The following EBNA1BP2 variants were observed in gnomAD, a reference collection of about 807,000 sequenced individuals.
EBNA1BP2 encodes the protein probable rRNA-processing protein EBP2.
A neutral mutation model predicts 43.5 loss-of-function variants in EBNA1BP2; 36 were observed. The observed-to-expected ratio is 0.83, with a 90% confidence interval of 0.63 to 1.09. EBNA1BP2 has a LOEUF of 1.09. Ranked by LOEUF, EBNA1BP2 falls within the 50% of genes least tolerant of loss-of-function variation. The probability of loss-of-function intolerance (pLI) is 0.00; values close to 1 mark genes in which losing one functional copy is unlikely to be tolerated. For missense variants in EBNA1BP2, 332 were observed against 379.1 expected, an observed-to-expected ratio of 0.88 and a Z score of 1.03; for synonymous variants, 127 against 141.3, an observed-to-expected ratio of 0.90 and a Z score of 0.72.
In EBNA1BP2 at chr1:43,171,493, C is replaced by A; in HGVS notation, c.309G>T (p.Gln103His). ...QKAVDPEDDF[Q>H]REMSFYRQAQ... ...AACAAACATACAAACTCATCTCTCG[C>A]TGGAAGTCGTCTTCTGGATCAACAG... Residue 103 changes from glutamine to histidine, a missense_variant, in exon 3 of 9, where the codon CAG becomes CAT. Around this residue, in one of 3 missense-constraint regions of EBNA1BP2, gnomAD observed 182 missense variants for 173.7 expected, o/e 1.05. Transcript: ENST00000236051. The A allele has an allele frequency of 6.2e-7, 1 of 1,609,748 alleles. No individual in the cohort carries two copies. Among genetic ancestry groups the A allele is most frequent in the Non-Finnish European group, 8.5e-7 (1 of 1,178,356 alleles).
chr1:43,169,001 C>A lies in EBNA1BP2; in HGVS notation c.475G>T (p.Ala159Ser). The change falls in exon 5 of 9, where the codon GCT becomes TCT. Residue 159 changes from alanine (A) to serine (S), a missense_variant. Around this residue, in one of 3 missense-constraint regions of EBNA1BP2, gnomAD observed 91 missense variants for 152.1 expected, o/e 0.60. Transcript: ENST00000236051. The part of the protein sequence containing the change: ...KIRQKLQTKQ[A>S]AMERSEKAKQ... Reference sequence around the variant, plus strand: ...GCTTTTTCAGACCTCTCCATGGCAGCCTGTTTAGTCTGCAGCTTCTGTCGA... The same window carrying A: ...GCTTTTTCAGACCTCTCCATGGCAGACTGTTTAGTCTGCAGCTTCTGTCGA... 1 of 1,614,102 alleles carries A rather than the reference C, an allele frequency of 6.2e-7. No individual in the cohort carries two copies. The highest frequency in any genetic ancestry group is 1.1e-5 in the South Asian group (1 of 91,078).
At chr1:43,172,433 T>A (rs1364971902), upstream of EBNA1BP2, 68 of 1,550,432 alleles carry the variant, frequency 4.4e-5, no homozygotes, top group Non-Finnish European at 5.9e-5. Flanking sequence ...CGTGGTCTGC[T>A]GACCCAGAGA....
chr1:43,164,758 C>A lies in EBNA1BP2; in HGVS notation c.755G>T (p.Gly252Val), dbSNP rs2124159837. 1.2e-6 allele frequency: 2 copies of A among 1,614,216 alleles called. No homozygotes were observed. Among genetic ancestry groups the A allele is most frequent in the East Asian group, 4.5e-5 (2 of 44,888 alleles). The change falls in exon 8 of 9, where the codon GGA (glycine) becomes GTA (valine). Residue 252 changes from glycine to valine, a missense_variant. Physicochemically the swap from Gly to Val is moderately radical, Grantham distance 109. This residue lies in a region of EBNA1BP2 where 91 missense variants were observed against 152.1 expected (regional missense o/e 0.60). Coordinates refer to ENST00000236051, the MANE Select transcript of EBNA1BP2 (RefSeq NM_006824.3). ...GTTCCACTTTGAGCCTTTCTTCTTT[C>A]CACCAAAACCAAACTTCTGGTTTTT... Reference protein sequence around the residue: ...RYKNQKFGFGGKKKGSKWNTR... With the variant: ...RYKNQKFGFGVKKKGSKWNTR...
In EBNA1BP2 at chr1:43,171,946, C is replaced by T. The variant is rs1176073503; in HGVS notation, c.90G>A (p.Gly30=). 4 of 1,614,182 alleles carry T rather than the reference C, an allele frequency of 2.5e-6. No homozygotes were observed. Among genetic ancestry groups the T allele is most frequent in the Non-Finnish European group, 3.4e-6 (4 of 1,180,032 alleles). The part of the protein sequence containing the change: ...DRELQDAFSR[G]LLKPGLNVVL... ...CGACATTGAGGCCTGGCTTCAGAAG[C>T]CCTCGGGAAAACGCATCCTGCAACT... Residue 30 remains glycine (G), a synonymous_variant, in exon 2 of 9, where the codon GGG becomes GGA. Coordinates refer to ENST00000236051, the MANE Select transcript of EBNA1BP2 (RefSeq NM_006824.3).
Position 43,166,132 on chromosome 1 carries a change from T to C in EBNA1BP2, c.707+694A>G, listed in dbSNP as rs113147573. Among the ~76,000 whole-genome samples, 158 of 152,274 alleles carry C rather than the reference T, an allele frequency of 1.0e-3. 1 individual carries two copies. The highest frequency in any genetic ancestry group is 3.2e-3 in the African/African-American group (133 of 41,554). ...CTTCATACTATGAGGCAGACACTAT[T>C]TCCTCAACTTAGCAGATGAGGCAAT... is the stretch of plus-strand genomic sequence containing the variant. On this transcript the variant is annotated intron_variant, in intron 7 of 8. Coordinates refer to ENST00000236051, the MANE Select transcript of EBNA1BP2 (RefSeq NM_006824.3).
chr1:43,168,484 TATG>T (rs1644932735), intron 5 of EBNA1BP2, among the ~76,000 whole-genome samples: 1 of 152,218 alleles, frequency 6.6e-6, no homozygotes, highest in South Asian at 2.1e-4. Context: ...TGACAATCAT[TATG>T]ATAATTTCTT....
chr1:43,164,413 T>A lies in EBNA1BP2; in HGVS notation c.*30A>T, dbSNP rs1644904333. 1 of 1,613,932 alleles carries A rather than the reference T, an allele frequency of 6.2e-7. No homozygotes were observed. Among genetic ancestry groups the A allele is most frequent in the African/African-American group, 1.3e-5 (1 of 74,940 alleles). The stretch of plus-strand genomic sequence containing the variant: ...TGAAATTGCGAGTCTTCATTCCTTT[T>A]TCTTGGTTCTTTGTATTCAAAGATG... On this transcript the variant is annotated 3_prime_UTR_variant, in exon 9 of 9. Transcript: ENST00000236051.
At chr1:43,166,696 C>T (rs1644920498) in intron 7 of EBNA1BP2, 130 bp downstream of exon 7, 3 of 890,916 alleles carry the variant, frequency 3.4e-6, no homozygotes, top group Non-Finnish European at 5.2e-6. Flanking sequence ...GGGGTCCTGG[C>T]CCCAGGCAGC....
intron 3 of EBNA1BP2, 79 bp downstream of exon 3, chr1:43,171,400 C>T: frequency 6.6e-7 from 1 of 1,520,434 alleles, no homozygotes; most frequent in Non-Finnish European, 8.8e-7. Flanking sequence ...ATTCTGAGTG[C>T]AGACTTACTA....
chr1:43,172,235 C>A lies in EBNA1BP2; in HGVS notation c.-117G>T. ...TGCCTTCAGCCCCCTACTCCCACGC[C>A]GTGGCTCCACGTGCCACCGAATCGC... On this transcript the variant is annotated 5_prime_UTR_variant, in exon 1 of 9. Coordinates refer to ENST00000236051, the MANE Select transcript of EBNA1BP2 (RefSeq NM_006824.3). 6.4e-7 allele frequency: 1 copy of A among 1,564,132 alleles called. No individual in the cohort carries two copies. Among genetic ancestry groups the A allele is most frequent in the East Asian group, 2.4e-5 (1 of 41,776 alleles).
chr1:43,166,697 C>T (rs528529754), intron 7 of EBNA1BP2, 129 bp downstream of exon 7: 10 of 906,712 alleles, frequency 1.1e-5, no homozygotes, highest in Non-Finnish European at 1.7e-5. Flanking sequence ...GGGTCCTGGC[C>T]CCAGGCAGCA....
chr1:43,171,016 A>C, intron 3 of EBNA1BP2, 137 bp from the exon 4 acceptor site: 1 of 1,269,072 alleles, frequency 7.9e-7, no homozygotes, highest in Non-Finnish European at 1.0e-6. Flanking sequence ...AACAAACAAA[A>C]ACTGTCTCAC....
intron 4 of EBNA1BP2, among the ~76,000 whole-genome samples, chr1:43,170,405 A>G (rs1644947881): frequency 6.6e-6 from 1 of 152,188 alleles, no homozygotes; most frequent in South Asian, 2.1e-4. Flanking sequence ...GTAATTGTCT[A>G]CAAGTTCTAG....
intron 3 of EBNA1BP2, 112 bp downstream of exon 3, chr1:43,171,367 C>T: frequency 7.6e-7 from 1 of 1,319,584 alleles, no homozygotes; most frequent in Non-Finnish European, 1.0e-6. Context: ...TCAAAAGAAG[C>T]CGCTCTCTCT....
At chr1:43,167,443 A>G (rs959506156) in intron 5 of EBNA1BP2, among the ~76,000 whole-genome samples, 2 of 152,166 alleles carry the variant, frequency 1.3e-5, no homozygotes, top group Admixed American at 6.5e-5. Context: ...AATCCAGTGA[A>G]GTTGAAATTT....
intron 8 of EBNA1BP2, 66 bp downstream of exon 8, chr1:43,164,577 G>A: frequency 6.2e-7 from 1 of 1,613,928 alleles, no homozygotes; most frequent in Non-Finnish European, 8.5e-7. Flanking sequence ...TGAAGGGAGA[G>A]GGCAGGGTTG....
In EBNA1BP2 at chr1:43,170,749, T is replaced by A; in HGVS notation, c.447+7A>T. On this transcript the variant is annotated splice_region_variant and intron_variant, in intron 4 of 8. Coordinates refer to ENST00000236051, the MANE Select transcript of EBNA1BP2 (RefSeq NM_006824.3). ...TGACTTTCCAGAGGAAAACTTCTAT[T>A]TCTTACCTTCTGCATCTGCAGATCA... 6.2e-7 allele frequency: 1 copy of A among 1,603,164 alleles called. No individual in the cohort carries two copies. Among genetic ancestry groups the A allele is most frequent in the Non-Finnish European group, 8.5e-7 (1 of 1,175,558 alleles).
intron 5 of EBNA1BP2, 23 bp from the exon 6 acceptor site, chr1:43,167,258 G>A (rs755580271): frequency 2.0e-5 from 32 of 1,609,166 alleles, no homozygotes; most frequent in Middle Eastern, 1.6e-4. Context: ...CACAAGGACC[G>A]TTACAGCCAT....
Position 43,172,071 on chromosome 1 carries a change from G to A in EBNA1BP2, c.48C>T (p.Ser16=). 3 of 1,614,110 alleles carry A rather than the reference G, an allele frequency of 1.9e-6. No individual in the cohort carries two copies. The highest frequency in any genetic ancestry group is 2.7e-5 in the African/African-American group (2 of 75,018). ...LSDSESESDE[S]LVTDRELQDA... ...CACCTACCTCTCTGTCTGTGACAAG[G>A]GATTCATCGGATTCCGACTCCGAAT... is the stretch of plus-strand genomic sequence containing the variant. The change falls in exon 1 of 9, where the codon TCC becomes TCT. Residue 16 remains serine (S), a synonymous_variant. Transcript: ENST00000236051.
Sources: allele counts gnomAD v4.1 joint callset (sites outside exome capture counted in the v4.1 genomes callset), GRCh38; gene constraint gnomAD v4.1.1; regional missense constraint gnomAD v4.1.1; transcripts MANE v1.5; gene names NCBI Gene and HGNC (gene_info 2026-07-23, HGNC 2026-07-21).